The following CLEC17A variants were observed in gnomAD, a reference collection of about 807,000 sequenced individuals.
CLEC17A encodes the protein C-type lectin domain containing 17A, also known as C-type lectin domain family 17, member A.
A neutral mutation model predicts 61.3 loss-of-function variants in CLEC17A; 37 were observed. That is an observed-to-expected ratio of 0.60 (90% CI 0.46 to 0.79). The LOEUF is 0.79. CLEC17A is among the 30% of genes least tolerant of loss of function. The pLI, the probability that CLEC17A is intolerant of heterozygous loss-of-function variation, is 0.00. For missense variants in CLEC17A, 418 were observed against 464.7 expected (o/e 0.90, Z 0.92); for synonymous variants, 168 against 164.9 (o/e 1.02, Z -0.14).
chr19:14,591,930 G>GTGTA (rs1257863133), intron 3 of CLEC17A, among the ~76,000 whole-genome samples: 3 of 151,744 alleles, frequency 2.0e-5, no homozygotes, highest in Middle Eastern at 3.4e-3. Context: ...GTGTGTGTGT[G>GTGTA]TGTGTTTGTG....
intron 2 of CLEC17A, among the ~76,000 whole-genome samples, 171 bp downstream of exon 2, chr19:14,583,605 T>C (rs6511941): frequency 0.24 from 35,744 of 151,162 alleles, 7,861 homozygotes; most frequent in African/African-American, 0.59. Flanking sequence ...ATGGCGGAGG[T>C]GGGTTTGGGC....
At chr19:14,588,742 T>C (rs775544629) in intron 3 of CLEC17A, 14 of 152,000 alleles carry the variant, frequency 9.2e-5, no homozygotes, top group Non-Finnish European at 1.3e-4. Flanking sequence ...TGAGAGATCC[T>C]GGGGGCCCAA....
intron 10 of CLEC17A, among the ~76,000 whole-genome samples, chr19:14,597,891 T>C (rs2146709445): frequency 6.6e-6 from 1 of 152,232 alleles, no homozygotes; most frequent in African/African-American, 2.4e-5. Context: ...GCCTAAAACC[T>C]GTGTTTCTGT....
intron 2 of CLEC17A, among the ~76,000 whole-genome samples, chr19:14,585,988 C>T (rs981112178): frequency 2.0e-5 from 3 of 152,094 alleles, no homozygotes; most frequent in Non-Finnish European, 4.4e-5. Context: ...CAAATGTTAC[C>T]ACTTCCAGGA....
chr19:14,594,555 T>G lies in CLEC17A; in HGVS notation c.310+6T>G, dbSNP rs770888771. The G allele has an allele frequency of 1.2e-6, 2 of 1,609,204 alleles. No individual in the cohort carries two copies. The highest frequency in any genetic ancestry group is 2.7e-5 in the African/African-American group (2 of 74,196). ...ACCAAGACCTCCAAGGGCAGGTGAG[T>G]TGGGGCTGGGGGTGTAGGAGACCCA... On this transcript the variant is annotated splice_donor_region_variant and intron_variant, in intron 5 of 13. Transcript: ENST00000417570.
intron 2 of CLEC17A, among the ~76,000 whole-genome samples, chr19:14,585,369 C>G (rs2074260291): frequency 1.3e-5 from 2 of 152,252 alleles, no homozygotes; most frequent in Non-Finnish European, 2.9e-5. Flanking sequence ...ATATATGACT[C>G]ATATGACTCT....
chr19:14,599,921 T>C (rs1426801205), intron 11 of CLEC17A, 109 bp downstream of exon 11: 3 of 1,493,244 alleles, frequency 2.0e-6, no homozygotes, highest in East Asian at 2.3e-5. Context: ...ATGGTGCCCC[T>C]CCCCCTCACC....
chr19:14,591,500 A>T (rs2074417498), intron 3 of CLEC17A, among the ~76,000 whole-genome samples: 1 of 149,912 alleles, frequency 6.7e-6, no homozygotes, highest in African/African-American at 2.5e-5. Context: ...GCTGGAGTGC[A>T]GTGGCGCTAT....
At chr19:14,592,510 G>C (rs891168743) in intron 4 of CLEC17A, among the ~76,000 whole-genome samples, 152 bp downstream of exon 4, 10 of 152,204 alleles carry the variant, frequency 6.6e-5, no homozygotes, top group South Asian at 2.1e-4. Context: ...AGGAGGACCT[G>C]TCAGTCTGAT....
chr19:14,600,858 G>GGATTACA (rs2074689976), intron 12 of CLEC17A, among the ~76,000 whole-genome samples: 1 of 147,022 alleles, frequency 6.8e-6, no homozygotes, highest in Non-Finnish European at 1.5e-5. Context: ...CAAAGTGCTG[G>GGATTACA]GATTACAGGC....
chr19:14,581,762 C>T (rs528074517), upstream of CLEC17A, among the ~76,000 whole-genome samples: 1 of 152,230 alleles, frequency 6.6e-6, no homozygotes, highest in South Asian at 2.1e-4. Flanking sequence ...AAACGATTCT[C>T]CTGCCTCAGC....
chr19:14,596,841 G>A, intron 8 of CLEC17A, 35 bp from the exon 9 acceptor site: 4 of 1,602,208 alleles, frequency 2.5e-6, no homozygotes, highest in Non-Finnish European at 3.4e-6. Flanking sequence ...TGAAGCCCCA[G>A]TATCAGTCTC....
intron 4 of CLEC17A, 100 bp from the exon 5 acceptor site, chr19:14,594,417 T>C: frequency 6.9e-7 from 1 of 1,446,850 alleles, no homozygotes; most frequent in Non-Finnish European, 9.5e-7. Context: ...TGTAACCTAA[T>C]CTCCAATCCT....
At chr19:14,594,829 C>T (rs370387834) in intron 7 of CLEC17A, 29 bp downstream of exon 7, 349 of 1,595,310 alleles carry the variant, frequency 2.2e-4, no homozygotes, top group Non-Finnish European at 2.6e-4. Context: ...CTTTAAGATG[C>T]CTAAGAGGGG....
Position 14,598,066 on chromosome 19 carries a change from C to A in CLEC17A, c.646+905C>A, listed in dbSNP as rs143830387. Among the ~76,000 whole-genome samples the A allele has an allele frequency of 9.8e-5, 15 of 152,320 alleles. No homozygotes were observed. The East Asian group carries it at 2.9e-3, about 29-fold the overall frequency. Reference sequence around the variant, plus strand: ...CTGAATATTTCTCCATTCCACACTGCCTCACCCTATGCTTCATAACAAGCA... The same window carrying A: ...CTGAATATTTCTCCATTCCACACTGACTCACCCTATGCTTCATAACAAGCA... On this transcript the variant is annotated intron_variant, in intron 10 of 13. Coordinates refer to ENST00000417570, the MANE Select transcript of CLEC17A (RefSeq NM_001204118.2).
chr19:14,606,969 G>A (rs1420642292), intron 12 of CLEC17A, 24 bp from the exon 13 acceptor site: 1 of 1,218,148 alleles, frequency 8.2e-7, no homozygotes, highest in Admixed American at 3.7e-5. Context: ...GGAATGGCTG[G>A]CTGAATGGAA....
Position 14,611,588 on chromosome 19 carries a change from C to G in CLEC17A, c.*1392C>G, listed in dbSNP as rs1388825254. ...AGGCATACCAGCTGAAAAGCAAGAC[C>G]CCTACATAGTGTGGCCAGGCAGGCC... On this transcript the variant is annotated 3_prime_UTR_variant, in exon 14 of 14. Coordinates refer to ENST00000417570, the MANE Select transcript of CLEC17A (RefSeq NM_001204118.2). Among the ~76,000 whole-genome samples the G allele has an allele frequency of 6.6e-6, 1 of 151,978 alleles. No individual in the cohort carries two copies. The highest frequency in any genetic ancestry group is 2.4e-5 in the African/African-American group (1 of 41,404).
rs1431398350 is a variant in CLEC17A at position 14,611,009 on chromosome 19, T to C, written c.*813T>C. On this transcript the variant is annotated 3_prime_UTR_variant, in exon 14 of 14. Transcript: ENST00000417570. ...CTTTCCCCATCTTTTCCTTTTTTTT[T>C]TTTTTCCAAACAAAAGCTTTGAAAG... The C allele has an allele frequency of 6.6e-6, 1 of 151,824 alleles. No homozygotes were observed. The highest frequency in any genetic ancestry group is 2.4e-5 in the African/African-American group (1 of 41,362). The allele number at this position is 151,824 out of a possible 1,614,324, so 9.4% of individuals were successfully genotyped here. A position where few individuals can be genotyped will look rare whatever the true frequency, so the allele number is the denominator to read the frequency against.
At chr19:14,593,469 A>T (rs1450949343) in intron 4 of CLEC17A, among the ~76,000 whole-genome samples, 1 of 152,098 alleles carries the variant, frequency 6.6e-6, no homozygotes, top group Non-Finnish European at 1.5e-5. Flanking sequence ...AACACAGTGA[A>T]ACCCCCAGCT....
Sources: gnomAD v4.1 joint callset for allele counts (sites outside exome capture counted in the v4.1 genomes callset) on GRCh38, gnomAD v4.1.1 for gene constraint, MANE v1.5 for transcripts, NCBI Gene and HGNC (gene_info 2026-07-23, HGNC 2026-07-21) for gene names.